Variants in COX19 observed in about 807,000 individuals in gnomAD.
COX19 encodes the protein cytochrome c oxidase assembly factor COX19, also known as cytochrome c oxidase assembly protein COX19.
A neutral mutation model predicts 6.8 loss-of-function variants in COX19; 8 were observed. The ratio of observed to expected loss-of-function variants is 1.18; its 90% confidence interval spans 0.69 to 2.12. The LOEUF (loss-of-function observed/expected upper bound fraction) is 2.12, where lower values mean the gene tolerates loss of function less well. Ranked by LOEUF, COX19 falls within the 30% of genes most tolerant of loss-of-function variation. The probability of loss-of-function intolerance (pLI) is 0.00; values close to 1 mark genes in which losing one functional copy is unlikely to be tolerated. For synonymous variants in COX19, 51 were observed against 38.0 expected, an observed-to-expected ratio of 1.34 and a Z score of -1.26; for missense variants, 131 against 104.6, an observed-to-expected ratio of 1.25 and a Z score of -1.10.
At chr7:970,809 C>T (rs1409215821) in intron 2 of COX19, among the ~76,000 whole-genome samples, 3 of 152,070 alleles carry the variant, frequency 2.0e-5, no homozygotes, top group Non-Finnish European at 1.5e-5. Context: ...AACTCCTGAG[C>T]TCAAGTGATT....
chr7:967,575 G>A lies in COX19; in HGVS notation c.*1803C>T, dbSNP rs375740426. ...CCCGGGCCTGGGCACTCCCGACGGC[G>A]GGTCAGAGTGCGATGGGAAGAGGCC... On this transcript the variant is annotated 3_prime_UTR_variant, in exon 3 of 3. Coordinates refer to ENST00000344111, the MANE Select transcript of COX19 (RefSeq NM_001031617.3). The A allele has an allele frequency of 2.6e-5, 4 of 152,264 alleles. No homozygotes were observed. Among genetic ancestry groups the A allele is most frequent in the East Asian group, 3.9e-4 (2 of 5,192 alleles). The allele number at this position is 152,264 out of a possible 1,614,324, so 9.4% of individuals were successfully genotyped here.
rs990299188 is a variant in COX19, at chr7:973,101, A to G, written c.194+80T>C. ...TGAATCCCAGGCCTGAAAAAGACAC[A>G]CTGTAATGGCCTTTCAGGAAAAAAA... On this transcript the variant is annotated intron_variant, in intron 2 of 2. Transcript: ENST00000344111. 4 of 877,220 alleles carry G rather than the reference A, an allele frequency of 4.6e-6. No homozygotes were observed. The South Asian group carries it at 1.0e-4, about 22-fold the overall frequency. 54.3% of individuals were successfully genotyped at this position (877,220 alleles called of 1,614,324 possible).
intron 2 of COX19, among the ~76,000 whole-genome samples, chr7:970,649 C>G (rs4311576): frequency 0.67 from 102,227 of 151,796 alleles, 35,912 homozygotes; most frequent in African/African-American, 0.89. Flanking sequence ...TCACCATGCT[C>G]GTCTTGAACT....
In COX19 at chr7:967,655, C is replaced by T. The variant is rs572177566; in HGVS notation, c.*1723G>A. On this transcript the variant is annotated 3_prime_UTR_variant, in exon 3 of 3. Transcript: ENST00000344111. ...TGGTCTGTTGTGTTCCCCTCACATC[C>T]TGGTTCATTTACTTTTTGAGCATGT... 2.0e-5 allele frequency: 3 copies of T among 152,422 alleles called. No individual in the cohort carries two copies. The East Asian group carries it at 5.8e-4, about 29-fold the overall frequency. 9.4% of individuals were successfully genotyped at this position (152,422 alleles called of 1,614,324 possible). A position where few individuals can be genotyped will look rare whatever the true frequency, so the allele number is the denominator to read the frequency against.
At chr7:970,383 C>T (rs1341981902) in intron 2 of COX19, among the ~76,000 whole-genome samples, 1 of 151,762 alleles carries the variant, frequency 6.6e-6, no homozygotes, top group Admixed American at 6.6e-5. Flanking sequence ...GATTACCCAC[C>T]TTGGTCTCCA....
At chr7:971,150 G>A (rs960616170) in intron 2 of COX19, among the ~76,000 whole-genome samples, 1 of 152,174 alleles carries the variant, frequency 6.6e-6, no homozygotes, top group Non-Finnish European at 1.5e-5. Flanking sequence ...CTCCACCAGC[G>A]TGTCTGTGTG....
Position 965,193 on chromosome 7 carries a change from G to A in COX19, c.*4185C>T, listed in dbSNP as rs895660452. 1.3e-5 allele frequency among the ~76,000 whole-genome samples: 2 copies of A among 152,196 alleles called. No individual in the cohort carries two copies. Among genetic ancestry groups the A allele is most frequent in the Non-Finnish European group, 2.9e-5 (2 of 68,044 alleles). ...AAACTCTTTGAAGTTATTTTGAAAC[G>A]AGAATCGACTCAATCTATTCCACTA... On this transcript the variant is annotated 3_prime_UTR_variant, in exon 3 of 3. Transcript: ENST00000344111.
Position 975,535 on chromosome 7 carries a change from G to T in COX19, c.-26C>A. The stretch of plus-strand genomic sequence containing the variant: ...GTTGGCGACTCCGGAGTCTGCGAGC[G>T]CCTTGCGAGCGTACGCAGGGCGGCC... On this transcript the variant is annotated 5_prime_UTR_variant, in exon 1 of 3. Transcript: ENST00000344111. 1.9e-6 allele frequency: 3 copies of T among 1,585,466 alleles called. No homozygotes were observed. Among genetic ancestry groups the T allele is most frequent in the Non-Finnish European group, 2.6e-6 (3 of 1,165,522 alleles).
intron 2 of COX19, among the ~76,000 whole-genome samples, chr7:971,040 G>A (rs1180883313): frequency 6.6e-6 from 1 of 152,114 alleles, no homozygotes; most frequent in Admixed American, 6.5e-5. Flanking sequence ...TGCTTTACAG[G>A]GATGGCCTCC....
intron 2 of COX19, among the ~76,000 whole-genome samples, chr7:970,911 A>G (rs1445961556): frequency 6.6e-6 from 1 of 152,184 alleles, no homozygotes; most frequent in Non-Finnish European, 1.5e-5. Flanking sequence ...CAGTGCAGCC[A>G]TCTTAGAGGC....
Position 970,280 on chromosome 7 carries a change from G to T in COX19, c.195-824C>A, listed in dbSNP as rs952159656. 7.9e-5 allele frequency among the ~76,000 whole-genome samples: 12 copies of T among 151,874 alleles called. No individual in the cohort carries two copies. In the South Asian group the frequency reaches 2.3e-3, roughly 29 times the overall value. ...CTCCTGAGTAGCTGGGAGTACAGGT[G>T]CACATCACCACGCCCGGCTAATTCT... On this transcript the variant is annotated intron_variant, in intron 2 of 2. Coordinates refer to ENST00000344111, the MANE Select transcript of COX19 (RefSeq NM_001031617.3).
intron 2 of COX19, among the ~76,000 whole-genome samples, chr7:971,599 T>C (rs1345786506): frequency 6.6e-6 from 1 of 150,544 alleles, no homozygotes; most frequent in East Asian, 1.9e-4. Flanking sequence ...AGCCTGGGCG[T>C]AGTGGCTCAC....
chr7:969,283 C>T lies in COX19; in HGVS notation c.*95G>A. 1 of 790,840 alleles carries T rather than the reference C, an allele frequency of 1.3e-6. No individual in the cohort carries two copies. Among genetic ancestry groups the T allele is most frequent in the Non-Finnish European group, 2.2e-6 (1 of 448,086 alleles). The allele number at this position is 790,840 out of a possible 1,614,324, so 49.0% of individuals were successfully genotyped here. A position where few individuals can be genotyped will look rare whatever the true frequency, so the allele number is the denominator to read the frequency against. On this transcript the variant is annotated 3_prime_UTR_variant, in exon 3 of 3. Transcript: ENST00000344111. ...TCTATTCGAAGCCCATTTCTAAGGA[C>T]ACCACACGCAGGCCTCAGCCAACCT... is the stretch of plus-strand genomic sequence containing the variant.
At chr7:973,642 C>T (rs56374240) in intron 1 of COX19, among the ~76,000 whole-genome samples, 7,952 of 152,088 alleles carry the variant, frequency 0.052, 664 homozygotes, top group African/African-American at 0.18. Flanking sequence ...TGCACTCCAG[C>T]CTGGGCAACA....
At chr7:973,506 C>T (rs991156369) in intron 1 of COX19, among the ~76,000 whole-genome samples, 1 of 151,930 alleles carries the variant, frequency 6.6e-6, no homozygotes, top group Non-Finnish European at 1.5e-5. Flanking sequence ...CCCATCTCTA[C>T]CAAAAAAAAC....
At chr7:972,007 C>T (rs989293779) in intron 2 of COX19, among the ~76,000 whole-genome samples, 3 of 152,196 alleles carry the variant, frequency 2.0e-5, no homozygotes, top group African/African-American at 4.8e-5. Flanking sequence ...CAGCTGTCCT[C>T]GGGAGTCTCA....
At chr7:969,787 C>A (rs751393968) in intron 2 of COX19, among the ~76,000 whole-genome samples, 1 of 152,138 alleles carries the variant, frequency 6.6e-6, no homozygotes, top group African/African-American at 2.4e-5. Context: ...AACAGCTTCA[C>A]GCTGACCTCT....
In COX19 at chr7:965,347, G is replaced by A. The variant is rs141587624; in HGVS notation, c.*4031C>T. On this transcript the variant is annotated 3_prime_UTR_variant, in exon 3 of 3. Transcript: ENST00000344111. ...ACATCTTACATAACACTGGGCCAGCGCTGCCAGTCACTTCGCAGAAGGCTC... is the reference window on the plus strand; with the variant it reads ...ACATCTTACATAACACTGGGCCAGCACTGCCAGTCACTTCGCAGAAGGCTC... 3.6e-3 allele frequency among the ~76,000 whole-genome samples: 553 copies of A among 152,218 alleles called. 1 individual carries two copies. The highest frequency in any genetic ancestry group is 5.6e-3 in the Admixed American group (85 of 15,294).
At chr7:973,430 C>A in intron 1 of COX19, 138 bp from the exon 2 acceptor site, 1 of 1,163,330 alleles carries the variant, frequency 8.6e-7, no homozygotes, top group Non-Finnish European at 1.1e-6. Context: ...ACCTGTAATC[C>A]CAGCACTCTG....
Sources: gnomAD v4.1 joint callset for allele counts (sites outside exome capture counted in the v4.1 genomes callset) on GRCh38, gnomAD v4.1.1 for gene constraint, MANE v1.5 for transcripts, NCBI Gene and HGNC (gene_info 2026-07-23, HGNC 2026-07-21) for gene names.